The following ULK4 variants were observed in gnomAD, a reference collection of about 807,000 sequenced individuals.
ULK4 encodes unc-51 like kinase 4, also known as inactive serine/threonine-protein kinase ULK4.
Under a neutral mutation model 160.6 loss-of-function variants are expected in ULK4, and 133 were observed. That is an observed-to-expected ratio of 0.83 (90% CI 0.72 to 0.96). The LOEUF is 0.96. Among genes scored for constraint, ULK4 ranks in the 40% least tolerant of loss-of-function variants. The pLI is 0.00. For synonymous variants in ULK4, 534 were observed against 539.8 expected (o/e 0.99, Z 0.15); for missense variants, 1,580 against 1,499.5 (o/e 1.05, Z -0.89).
At chr3:41,911,415 G>GA in intron 10 of ULK4, 29 bp from the exon 11 acceptor site, 1 of 1,611,816 alleles carries the variant, frequency 6.2e-7, no homozygotes, top group Non-Finnish European at 8.5e-7. Flanking sequence ...ATGTTATCCA[G>GA]AAAAGAACAA....
chr3:41,730,893 A>T (rs1021960558), intron 22 of ULK4, among the ~76,000 whole-genome samples: 5 of 152,282 alleles, frequency 3.3e-5, no homozygotes, highest in African/African-American at 4.8e-5. Flanking sequence ...CAAATCAATA[A>T]ATGTGATCCA....
rs2078658978 is a variant in ULK4, at chr3:41,247,072, CTT to C, written c.3765-82_3765-81del. 2.2e-6 allele frequency: 3 copies of C among 1,378,020 alleles called. No individual in the cohort carries two copies. The South Asian group carries it at 3.7e-5, about 17-fold the overall frequency. The allele number at this position is 1,378,020 out of a possible 1,614,324, so 85.4% of individuals were successfully genotyped here. A position where few individuals can be genotyped will look rare whatever the true frequency, so the allele number is the denominator to read the frequency against. On this transcript the variant is annotated intron_variant, in intron 36 of 36. Transcript: ENST00000301831. ...TCCCCCCTTTCAAAGGGGCCAGCCT[CTT>C]TTGCACCCGAGTATCTGGTGGACCA...
At chr3:41,774,734 A>G (rs1455474136) in intron 21 of ULK4, among the ~76,000 whole-genome samples, 1 of 150,480 alleles carries the variant, frequency 6.6e-6, no homozygotes, top group Non-Finnish European at 1.5e-5. Flanking sequence ...TATATACCCA[A>G]AGGATTATAA....
At chr3:41,525,653 C>T (rs2086089362) in intron 32 of ULK4, among the ~76,000 whole-genome samples, 1 of 152,230 alleles carries the variant, frequency 6.6e-6, no homozygotes. Context: ...ATACTCCTTT[C>T]CCTGTCCTTG....
intron 34 of ULK4, among the ~76,000 whole-genome samples, chr3:41,454,225 T>C (rs1196353224): frequency 7.0e-6 from 1 of 143,174 alleles, no homozygotes; most frequent in Non-Finnish European, 1.5e-5. Flanking sequence ...AAAGGGCAAC[T>C]AGATGTTCTT....
At position 41,717,789 on chromosome 3, in the gene ULK4, G is replaced by A; in HGVS notation, c.2394C>T (p.Tyr798=). ...PGKEQQSGNE[Y]LSKCLDLLIC... ...TGAGAAGATCCAGGCATTTGGACAG[G>A]TATTCATTGCCACTTTGCTGCTCCT... Residue 798 remains tyrosine (Y), a synonymous_variant, in exon 23 of 37, where the codon TAC becomes TAT. Transcript: ENST00000301831. 1 of 1,614,098 alleles carries A rather than the reference G, an allele frequency of 6.2e-7. No homozygotes were observed. The highest frequency in any genetic ancestry group is 8.5e-7 in the Non-Finnish European group (1 of 1,180,008).
At chr3:41,598,180 C>G (rs912605378) in intron 31 of ULK4, among the ~76,000 whole-genome samples, 2 of 152,152 alleles carry the variant, frequency 1.3e-5, no homozygotes, top group Admixed American at 6.5e-5. Context: ...CCCTCCCAAT[C>G]AGCCACCAGA....
intron 20 of ULK4, among the ~76,000 whole-genome samples, chr3:41,798,699 A>G (rs2040369607): frequency 6.6e-6 from 1 of 152,090 alleles, no homozygotes; most frequent in Non-Finnish European, 1.5e-5. Flanking sequence ...AACTCTTTAA[A>G]GAGGTATGGC....
At chr3:41,437,444 C>T (rs1364367703) in intron 34 of ULK4, among the ~76,000 whole-genome samples, 1 of 152,196 alleles carries the variant, frequency 6.6e-6, no homozygotes, top group East Asian at 1.9e-4. Context: ...TTTCTCTCCA[C>T]CTCATAGGGA....
chr3:41,848,092 T>G (rs899835158), intron 17 of ULK4, among the ~76,000 whole-genome samples: 1 of 152,214 alleles, frequency 6.6e-6, no homozygotes, highest in Non-Finnish European at 1.5e-5. Context: ...GCATTCAAAC[T>G]GGCATCTGTA....
chr3:41,878,675 TAAAAAAAA>T (rs33987084), intron 17 of ULK4, among the ~76,000 whole-genome samples: 5 of 95,934 alleles, frequency 5.2e-5, no homozygotes, highest in South Asian at 3.7e-4. Context: ...TTAAAACTGT[TAAAAAAAA>T]AAAAAAAAAA....
intron 21 of ULK4, among the ~76,000 whole-genome samples, chr3:41,761,617 T>C (rs1215356279): frequency 2.0e-5 from 3 of 151,814 alleles, no homozygotes; most frequent in Non-Finnish European, 4.4e-5. Flanking sequence ...ATAACATAAA[T>C]AGATTAGATA....
intron 35 of ULK4, among the ~76,000 whole-genome samples, chr3:41,339,623 G>C (rs1363912183): frequency 6.6e-6 from 1 of 152,180 alleles, no homozygotes; most frequent in Non-Finnish European, 1.5e-5. Context: ...TCGCTGGTGA[G>C]GGCCAGGTGG....
chr3:41,831,566 T>C (rs1053559801), intron 18 of ULK4, among the ~76,000 whole-genome samples: 1 of 151,218 alleles, frequency 6.6e-6, no homozygotes, highest in Admixed American at 6.6e-5. Context: ...GGTTCTAGGA[T>C]ACATGTGCAG....
chr3:41,556,657 TTTTGTA>T (rs2087312876), intron 32 of ULK4, among the ~76,000 whole-genome samples: 1 of 151,882 alleles, frequency 6.6e-6, no homozygotes, highest in South Asian at 2.1e-4. Context: ...CTGGCTAACT[TTTTGTA>T]TTTTTAGTAG....
At chr3:41,836,496 C>T (rs138649677) in intron 17 of ULK4, among the ~76,000 whole-genome samples, 367 of 152,130 alleles carry the variant, frequency 2.4e-3, no homozygotes, top group African/African-American at 8.4e-3. Flanking sequence ...AAAGCACTTC[C>T]ACCGTATCAC....
At chr3:41,582,696 C>CCT (rs1289763527) in intron 31 of ULK4, among the ~76,000 whole-genome samples, 3 of 152,194 alleles carry the variant, frequency 2.0e-5, no homozygotes, top group Non-Finnish European at 1.5e-5. Flanking sequence ...AGGCCAGCAC[C>CCT]CTCTCCCTAG....
At chr3:41,900,664 T>C in intron 13 of ULK4, 61 bp downstream of exon 13, 2 of 1,260,260 alleles carry the variant, frequency 1.6e-6, no homozygotes, top group Non-Finnish European at 2.3e-6. Context: ...AATGAAAATC[T>C]CATGCAGATT....
chr3:41,475,216 T>C (rs898647906), intron 32 of ULK4, among the ~76,000 whole-genome samples: 4 of 152,228 alleles, frequency 2.6e-5, no homozygotes, highest in East Asian at 1.9e-4. Flanking sequence ...GAAAGCATTA[T>C]GCTATGTGAA....
Sources: allele counts gnomAD v4.1 joint callset (sites outside exome capture counted in the v4.1 genomes callset), GRCh38; gene constraint gnomAD v4.1.1; transcripts MANE v1.5; gene names NCBI Gene and HGNC (gene_info 2026-07-23, HGNC 2026-07-21).